The following SMCHD1 variants were observed in gnomAD, a reference collection of about 807,000 sequenced individuals.
The protein encoded by SMCHD1 is structural maintenance of chromosomes flexible hinge domain-containing protein 1.
In SMCHD1, 78 loss-of-function variants were observed where a neutral mutation model predicts 254.7. The observed-to-expected ratio is 0.31, with a 90% confidence interval of 0.26 to 0.37. The LOEUF (loss-of-function observed/expected upper bound fraction) is 0.37, where lower values mean the gene tolerates loss of function less well. Among genes scored for constraint, SMCHD1 ranks in the 10% least tolerant of loss-of-function variants. The pLI, the probability that SMCHD1 is intolerant of heterozygous loss-of-function variation, is 1.00. For synonymous variants in SMCHD1, 766 were observed against 794.9 expected (o/e 0.96, Z 0.61); for missense variants, 1,840 against 2,408.1 (o/e 0.76, Z 4.94).
chr18:2,656,062 T>A lies in SMCHD1; in HGVS notation c.-14T>A. 7.3e-7 allele frequency: 1 copy of A among 1,366,694 alleles called. No homozygotes were observed. The allele number at this position is 1,366,694 out of a possible 1,614,324, so 84.7% of individuals were successfully genotyped here. A position where few individuals can be genotyped will look rare whatever the true frequency, so the allele number is the denominator to read the frequency against. The stretch of plus-strand genomic sequence containing the variant: ...CGGCGGCAGGCGTCGCTGTCTTTTC[T>A]CCTTTTCCCCAATATGGCAGCGGCG... On this transcript the variant is annotated 5_prime_UTR_variant, in exon 1 of 48. Transcript: ENST00000320876.
intron 3 of SMCHD1, among the ~76,000 whole-genome samples, chr18:2,667,816 A>G (rs1267512074): frequency 6.6e-6 from 1 of 152,162 alleles, no homozygotes; most frequent in Non-Finnish European, 1.5e-5. Context: ...ACATCTTTTA[A>G]TATATATGTC....
In SMCHD1 at chr18:2,656,278, G is replaced by A. The variant is rs772970806; in HGVS notation, c.186+17G>A. 7 of 1,473,500 alleles carry A rather than the reference G, an allele frequency of 4.8e-6. No homozygotes were observed. The highest frequency in any genetic ancestry group is 6.2e-6 in the Non-Finnish European group (7 of 1,122,424). The allele number at this position is 1,473,500 out of a possible 1,614,324, so 91.3% of individuals were successfully genotyped here. A position where few individuals can be genotyped will look rare whatever the true frequency, so the allele number is the denominator to read the frequency against. On this transcript the variant is annotated intron_variant, in intron 1 of 47. Transcript: ENST00000320876. Reference sequence around the variant, plus strand: ...GTGTGTCAGGTACGCGAAGGGGCGAGGAAGGGATGCGCGTGTAGACTTGGG... The same window carrying A: ...GTGTGTCAGGTACGCGAAGGGGCGAAGAAGGGATGCGCGTGTAGACTTGGG...
chr18:2,717,233 A>C (rs1353792475), intron 17 of SMCHD1, among the ~76,000 whole-genome samples: 2 of 152,120 alleles, frequency 1.3e-5, no homozygotes, highest in Non-Finnish European at 2.9e-5. Flanking sequence ...AGGGCCAAGG[A>C]GCTCCCAGCT....
chr18:2,785,909 A>G (rs1201755456), intron 45 of SMCHD1, among the ~76,000 whole-genome samples: 2 of 152,216 alleles, frequency 1.3e-5, no homozygotes, highest in Non-Finnish European at 2.9e-5. Context: ...AGGTCTGTCC[A>G]TGTTGTAATA....
rs765331022 is a variant in SMCHD1, at chr18:2,751,369, C to T, written c.4257C>T (p.Thr1419=). 6.4e-7 allele frequency: 1 copy of T among 1,572,544 alleles called. No individual in the cohort carries two copies. Among genetic ancestry groups the T allele is most frequent in the East Asian group, 2.4e-5 (1 of 41,328 alleles). ...CCATGAAAATGTGGAAGCTGTCTAC[C>T]AGTGGGAACCGACCCCCAGCAAATG... The part of the protein sequence containing the change: ...RISMKMWKLS[T]SGNRPPANAE... The change falls in exon 33 of 48, where the codon ACC becomes ACT. Residue 1419 remains threonine (T), a synonymous_variant. Transcript: ENST00000320876.
intron 29 of SMCHD1, among the ~76,000 whole-genome samples, chr18:2,747,151 T>C (rs1198200179): frequency 6.6e-6 from 1 of 152,202 alleles, no homozygotes; most frequent in East Asian, 1.9e-4. Context: ...ATTTGCGTTG[T>C]ATTAGATGTT....
At chr18:2,777,974 T>C in intron 43 of SMCHD1, 59 bp downstream of exon 43, 1 of 1,135,516 alleles carries the variant, frequency 8.8e-7, no homozygotes, top group Non-Finnish European at 1.3e-6. Context: ...GACACAAATC[T>C]ATAAATTACT....
At position 2,660,004 on chromosome 18, in the gene SMCHD1, T is replaced by A. The variant is rs115769619; in HGVS notation, c.186+3743T>A. ...TTTGGTAGGTAATCATTTTATGCAC[T>A]GCAAGTCAGTTAGTCCTTAAATATT... On this transcript the variant is annotated intron_variant, in intron 1 of 47. Transcript: ENST00000320876. 8.7e-3 allele frequency among the ~76,000 whole-genome samples: 1,331 copies of A among 152,310 alleles called. 22 individuals are homozygous for A. Among genetic ancestry groups the A allele is most frequent in the African/African-American group, 0.03 (1,261 of 41,558 alleles).
intron 17 of SMCHD1, among the ~76,000 whole-genome samples, chr18:2,717,783 T>G (rs1183882315): frequency 6.6e-6 from 1 of 152,216 alleles, no homozygotes; most frequent in African/African-American, 2.4e-5. Context: ...ATTTCGGATT[T>G]GTTCATGAAT....
chr18:2,729,514 G>A, intron 24 of SMCHD1, 105 bp downstream of exon 24: 1 of 761,540 alleles, frequency 1.3e-6, no homozygotes, highest in Non-Finnish European at 1.9e-6. Context: ...CTGAAAATGA[G>A]GTATTTGTGG....
At chr18:2,741,637 A>G (rs1010614013) in intron 28 of SMCHD1, among the ~76,000 whole-genome samples, 2 of 152,272 alleles carry the variant, frequency 1.3e-5, no homozygotes, top group East Asian at 3.9e-4. Context: ...TTCCCTCCAC[A>G]ATGATAAAAT....
chr18:2,662,196 TAAATAAAG>T (rs1380862597), intron 1 of SMCHD1, among the ~76,000 whole-genome samples: 1,628 of 79,808 alleles, frequency 0.02, 94 homozygotes, highest in African/African-American at 0.15. Flanking sequence ...AATAAATAAA[TAAATAAAG>T]AAAGAAAGAA....
intron 46 of SMCHD1, 137 bp downstream of exon 46, chr18:2,796,244 T>C (rs1188489382): frequency 2.2e-6 from 2 of 902,596 alleles, no homozygotes; most frequent in Non-Finnish European, 3.3e-6. Flanking sequence ...CCAAGTCCTA[T>C]CTGATAAATG....
chr18:2,736,619 A>G (rs1199647546), intron 25 of SMCHD1, among the ~76,000 whole-genome samples: 2 of 152,180 alleles, frequency 1.3e-5, no homozygotes, highest in Non-Finnish European at 2.9e-5. Context: ...GAGAAGACAT[A>G]CATGTGGTCA....
At chr18:2,793,525 T>C (rs748433724) in intron 45 of SMCHD1, among the ~76,000 whole-genome samples, 21 of 151,414 alleles carry the variant, frequency 1.4e-4, no homozygotes, top group Non-Finnish European at 2.2e-4. Context: ...ATCAGCTGGG[T>C]GTGGTGGCGG....
intron 8 of SMCHD1, among the ~76,000 whole-genome samples, chr18:2,695,492 T>G (rs1401109782): frequency 1.3e-5 from 2 of 152,046 alleles, no homozygotes; most frequent in Non-Finnish European, 2.9e-5. Context: ...GTATTTTTAG[T>G]AGAGACAGGT....
chr18:2,700,173 G>T (rs1010380505), intron 10 of SMCHD1, among the ~76,000 whole-genome samples: 5 of 152,174 alleles, frequency 3.3e-5, no homozygotes, highest in Non-Finnish European at 4.4e-5. Flanking sequence ...GAACATACTA[G>T]TTCTGATAAA....
At chr18:2,656,720 T>C (rs984542254) in intron 1 of SMCHD1, among the ~76,000 whole-genome samples, 2 of 152,084 alleles carry the variant, frequency 1.3e-5, no homozygotes, top group Non-Finnish European at 2.9e-5. Flanking sequence ...CGGAGTCATC[T>C]CCCCCAAGTT....
intron 17 of SMCHD1, among the ~76,000 whole-genome samples, chr18:2,712,865 T>A (rs2074712222): frequency 6.6e-6 from 1 of 152,236 alleles, no homozygotes; most frequent in East Asian, 1.9e-4. Flanking sequence ...AAACTAGTCA[T>A]AGCTCTGCAA....
Sources: gnomAD v4.1 joint callset for allele counts (sites outside exome capture counted in the v4.1 genomes callset) on GRCh38, gnomAD v4.1.1 for gene constraint, MANE v1.5 for transcripts, NCBI Gene and HGNC (gene_info 2026-07-23, HGNC 2026-07-21) for gene names.